The following ANO2 variants were observed in gnomAD, a reference collection of about 807,000 sequenced individuals.
ANO2 encodes the protein anoctamin 2.
A neutral mutation model predicts 124.2 loss-of-function variants in ANO2; 101 were observed. The ratio of observed to expected loss-of-function variants is 0.81; its 90% CI spans 0.69 to 0.96. ANO2 has a LOEUF of 0.96. Among genes scored for constraint, ANO2 ranks in the 40% least tolerant of loss-of-function variants. The pLI is 0.00. For synonymous variants in ANO2, 486 were observed against 482.5 expected (o/e 1.01, Z -0.09); for missense variants, 1,293 against 1,274.5 (o/e 1.01, Z -0.22).
At chr12:5,923,151 TACACACACGCATACACAC>T (rs1941852734) in intron 1 of ANO2, among the ~76,000 whole-genome samples, 1 of 45,152 alleles carries the variant, frequency 2.2e-5, no homozygotes, top group African/African-American at 1.3e-4. Context: ...CATGCACACA[TACACACACGCATACACAC>T]ACACGCACAC....
chr12:5,632,372 C>T (rs143176516), intron 16 of ANO2, among the ~76,000 whole-genome samples: 90 of 151,712 alleles, frequency 5.9e-4, no homozygotes, highest in African/African-American at 1.8e-3. Context: ...GTAAAGTGAG[C>T]GTATAACACT....
At chr12:5,681,173 A>T (rs1468615276) in intron 14 of ANO2, among the ~76,000 whole-genome samples, 2 of 152,158 alleles carry the variant, frequency 1.3e-5, no homozygotes, top group African/African-American at 4.8e-5. Flanking sequence ...CTCCAGGTAA[A>T]CCCAGAGCAA....
chr12:5,624,881 C>G (rs537826915), intron 16 of ANO2, among the ~76,000 whole-genome samples: 21 of 152,272 alleles, frequency 1.4e-4, no homozygotes, highest in Admixed American at 9.8e-4. Context: ...GAGGTGACCT[C>G]TAAGCTGAGA....
intron 4 of ANO2, among the ~76,000 whole-genome samples, chr12:5,834,827 A>G (rs1159355709): frequency 2.6e-5 from 4 of 152,194 alleles, no homozygotes; most frequent in African/African-American, 9.6e-5. Flanking sequence ...ACCGTTTGGA[A>G]TATATTTAAT....
intron 14 of ANO2, among the ~76,000 whole-genome samples, chr12:5,702,483 G>A (rs1445660209): frequency 6.6e-6 from 1 of 151,618 alleles, no homozygotes; most frequent in Non-Finnish European, 1.5e-5. Context: ...AGCAAATGAT[G>A]CAACAGCAAA....
chr12:5,578,839 A>C (rs1334693507), intron 20 of ANO2, among the ~76,000 whole-genome samples: 1 of 152,236 alleles, frequency 6.6e-6, no homozygotes, highest in Non-Finnish European at 1.5e-5. Flanking sequence ...GGGTTTGGTA[A>C]ACTTTTTTAG....
Position 5,862,171 on chromosome 12 carries a change from G to A in ANO2, c.535-8030C>T, listed in dbSNP as rs555983918. Among the ~76,000 whole-genome samples, 1 of 152,226 alleles carries A rather than the reference G, an allele frequency of 6.6e-6. No individual in the cohort carries two copies. The highest frequency in any genetic ancestry group is 2.1e-4 in the South Asian group (1 of 4,816). ...GAAAGGTGGAAATCTGCTCTGCTGG[G>A]AGCTCCTGGATGAGAGTACTGGAAT... On this transcript the variant is annotated intron_variant, in intron 3 of 24. Transcript: ENST00000682330. This position sits in a 1 kb window ranked among gnomAD's most constrained non-coding sequence, Gnocchi z 4.0.
At chr12:5,887,755 T>G (rs560285408) in intron 3 of ANO2, among the ~76,000 whole-genome samples, 1 of 152,170 alleles carries the variant, frequency 6.6e-6, no homozygotes, top group East Asian at 1.9e-4. Context: ...AGCACAGCTC[T>G]GAGCTTTTTA....
chr12:5,713,240 G>C (rs1295194329), intron 14 of ANO2, among the ~76,000 whole-genome samples: 2 of 152,218 alleles, frequency 1.3e-5, no homozygotes, highest in Admixed American at 1.3e-4. Flanking sequence ...TGGCAAGTAA[G>C]AGGAAAGGAG....
chr12:5,669,383 T>C (rs1217755116), intron 14 of ANO2, among the ~76,000 whole-genome samples: 1 of 152,158 alleles, frequency 6.6e-6, no homozygotes, highest in Non-Finnish European at 1.5e-5. Context: ...CTTTTGCACA[T>C]TGATTGTGTA....
chr12:5,809,009 T>C (rs1354837903), intron 7 of ANO2, among the ~76,000 whole-genome samples: 1 of 152,104 alleles, frequency 6.6e-6, no homozygotes, highest in Admixed American at 6.6e-5. Flanking sequence ...GAAAGCTAAG[T>C]GTTTTGGTAC....
In ANO2 at chr12:5,563,401, T is replaced by A; in HGVS notation, c.2895A>T (p.Gly965=). The A allele has an allele frequency of 6.2e-7, 1 of 1,610,270 alleles. No homozygotes were observed. Among genetic ancestry groups the A allele is most frequent in the Non-Finnish European group, 8.5e-7 (1 of 1,178,456 alleles). Residue 965 remains glycine (G), a synonymous_variant, in exon 25 of 25, where the codon GGA becomes GGT. Transcript: ENST00000682330. ...CCCGGCTCCTGCTTCGATCCCCACC[T>A]CCTGGGCTCCTCAGAGCCGGCTCAT... The part of the protein sequence containing the change: ...LMDEPALRSP[G]GGDRSRSRAA...
At chr12:5,896,487 T>C (rs1387951972) in intron 3 of ANO2, among the ~76,000 whole-genome samples, 2 of 152,160 alleles carry the variant, frequency 1.3e-5, no homozygotes, top group Non-Finnish European at 2.9e-5. Flanking sequence ...CCAGCTTTAA[T>C]ACATACAGTG....
rs148955953 is a variant in ANO2 at position 5,921,815 on chromosome 12, G to A, written c.208-449C>T. Among the ~76,000 whole-genome samples the A allele has an allele frequency of 7.0e-4, 107 of 152,148 alleles. No homozygotes were observed. The East Asian group carries it at 0.013, about 18-fold the overall frequency. On this transcript the variant is annotated intron_variant, in intron 2 of 24. Transcript: ENST00000682330. The stretch of plus-strand genomic sequence containing the variant: ...TACAGGTGAAGGGGCCTGTGTACAC[G>A]CGTATCTACCCGAGTGCGCTCTAAC...
intron 14 of ANO2, among the ~76,000 whole-genome samples, chr12:5,715,091 G>A (rs933736916): frequency 4.0e-5 from 6 of 151,854 alleles, no homozygotes; most frequent in Non-Finnish European, 7.4e-5. Context: ...CACTGTTTGT[G>A]TGTACATGTT....
chr12:5,935,708 C>T (rs973713766), intron 1 of ANO2, among the ~76,000 whole-genome samples: 1 of 152,074 alleles, frequency 6.6e-6, no homozygotes, highest in Admixed American at 6.5e-5. Flanking sequence ...ATTAGGATTC[C>T]GCAACTGGAA....
chr12:5,611,211 C>T lies in ANO2; in HGVS notation c.2087+1445G>A, dbSNP rs992628718. Among the ~76,000 whole-genome samples the T allele has an allele frequency of 1.6e-4, 24 of 152,054 alleles. No individual in the cohort carries two copies. The East Asian group carries it at 2.1e-3, about 13-fold the overall frequency. ...GTCTCAAATTCCTGACCTCGTGATC[C>T]GCCCACCTCAGCTTCCCAAAGTGCT... On this transcript the variant is annotated intron_variant, in intron 19 of 24. Transcript: ENST00000682330.
chr12:5,628,207 CCTCT>C (rs970553913), intron 16 of ANO2, among the ~76,000 whole-genome samples: 2 of 152,176 alleles, frequency 1.3e-5, no homozygotes, highest in Non-Finnish European at 2.9e-5. Context: ...CTGTGGAGCT[CCTCT>C]CTCTCTGTGC....
intron 14 of ANO2, among the ~76,000 whole-genome samples, chr12:5,705,364 C>T (rs965421958): frequency 2.0e-5 from 3 of 152,220 alleles, no homozygotes; most frequent in Non-Finnish European, 4.4e-5. Context: ...ATGCTATCCA[C>T]TTTAAACAAA....
Sources: allele counts gnomAD v4.1 joint callset (sites outside exome capture counted in the v4.1 genomes callset), GRCh38; gene constraint gnomAD v4.1.1; non-coding constraint Gnocchi (gnomAD v3.1); transcripts MANE v1.5; gene names NCBI Gene and HGNC (gene_info 2026-07-23, HGNC 2026-07-21).